Variants in AUTS2 observed in about 807,000 individuals in gnomAD.
AUTS2 encodes autism susceptibility gene 2 protein.
A neutral mutation model predicts 112.4 loss-of-function variants in AUTS2; 17 were observed. The observed-to-expected ratio is 0.15, with a 90% CI of 0.10 to 0.23. AUTS2 has a LOEUF of 0.23. Ranked by LOEUF, AUTS2 falls within the 10% of genes least tolerant of loss-of-function variation. AUTS2 has a pLI of 1.00. For missense variants in AUTS2, 1,510 were observed against 1,701.6 expected (o/e 0.89, Z 1.98); for synonymous variants, 751 against 702.7 (o/e 1.07, Z -1.09).
chr7:70,432,760 A>G (rs1177063133), intron 4 of AUTS2, among the ~76,000 whole-genome samples: 1 of 152,184 alleles, frequency 6.6e-6, no homozygotes, highest in Non-Finnish European at 1.5e-5. Context: ...CGTCTCTGCC[A>G]GGGGCTGGCA....
chr7:70,667,349 A>T lies in AUTS2; in HGVS notation c.691-31220A>T, dbSNP rs543608091. On this transcript the variant is annotated intron_variant, in intron 5 of 18. Coordinates refer to ENST00000342771, the MANE Select transcript of AUTS2 (RefSeq NM_015570.4). ...ATGAAAAATATACCTGTGCTGAGAA[A>T]GAAACTGGGATTTATTAATCCAGCC... Among the ~76,000 whole-genome samples, 194 of 152,352 alleles carry T rather than the reference A, an allele frequency of 1.3e-3. 1 individual carries two copies. The highest frequency in any genetic ancestry group is 4.5e-3 in the African/African-American group (186 of 41,580).
intron 5 of AUTS2, among the ~76,000 whole-genome samples, chr7:70,622,971 A>G (rs1472047541): frequency 6.6e-6 from 1 of 152,226 alleles, no homozygotes; most frequent in Non-Finnish European, 1.5e-5. Flanking sequence ...CTAGACCATT[A>G]CAAGTGGGAG....
chr7:70,336,422 T>C (rs1790993339), intron 4 of AUTS2, among the ~76,000 whole-genome samples: 1 of 152,180 alleles, frequency 6.6e-6, no homozygotes, highest in Non-Finnish European at 1.5e-5. Flanking sequence ...TAAATGCCTA[T>C]GTTTTCTATT....
intron 4 of AUTS2, among the ~76,000 whole-genome samples, chr7:70,277,796 A>G (rs1249111734): frequency 1.3e-5 from 2 of 152,194 alleles, no homozygotes; most frequent in Non-Finnish European, 2.9e-5. Flanking sequence ...TGTAAATGAT[A>G]GGGCAAAATG....
chr7:70,441,927 G>A (rs1796137469), intron 5 of AUTS2, among the ~76,000 whole-genome samples: 2 of 152,186 alleles, frequency 1.3e-5, no homozygotes, highest in East Asian at 1.9e-4. Context: ...GGTTGGCCAT[G>A]TTTCACACTC....
At chr7:70,308,659 AC>A (rs1300684878) in intron 4 of AUTS2, among the ~76,000 whole-genome samples, 1 of 152,210 alleles carries the variant, frequency 6.6e-6, no homozygotes, top group Non-Finnish European at 1.5e-5. Context: ...ACAGTGCTTA[AC>A]ATATAGTAAG....
intron 4 of AUTS2, among the ~76,000 whole-genome samples, chr7:70,416,655 C>T (rs982996902): frequency 2.0e-5 from 3 of 152,262 alleles, no homozygotes; most frequent in African/African-American, 4.8e-5. Flanking sequence ...CAACCCACAG[C>T]GGCCCACAAA....
At chr7:70,154,890 T>C (rs1293437247) in intron 4 of AUTS2, among the ~76,000 whole-genome samples, 2 of 152,242 alleles carry the variant, frequency 1.3e-5, no homozygotes, top group African/African-American at 4.8e-5. Context: ...AATTGATACT[T>C]GCTTTCTTGG....
At chr7:70,749,372 G>A (rs1411314645) in intron 6 of AUTS2, among the ~76,000 whole-genome samples, 3 of 152,088 alleles carry the variant, frequency 2.0e-5, no homozygotes, top group Non-Finnish European at 4.4e-5. Flanking sequence ...AGGGGGGTCC[G>A]CGAATGTACC....
intron 4 of AUTS2, among the ~76,000 whole-genome samples, chr7:70,368,431 C>T (rs1339705907): frequency 6.6e-6 from 1 of 152,032 alleles, no homozygotes; most frequent in Non-Finnish European, 1.5e-5. Context: ...GAGATTGGAC[C>T]TATTTTCCTG....
At chr7:69,614,344 C>CT (rs67639943) in intron 1 of AUTS2, among the ~76,000 whole-genome samples, 1 of 74,708 alleles carries the variant, frequency 1.3e-5, no homozygotes, top group Non-Finnish European at 2.9e-5. Context: ...TTCTTTCTTT[C>CT]TTTCTTTCTT....
chr7:70,180,935 A>T (rs1326837162), intron 4 of AUTS2, among the ~76,000 whole-genome samples: 1 of 152,198 alleles, frequency 6.6e-6, no homozygotes, highest in African/African-American at 2.4e-5. Flanking sequence ...ATAGGCTTCC[A>T]TTTACCCACC....
At chr7:70,106,942 A>G (rs1804797340) in intron 2 of AUTS2, among the ~76,000 whole-genome samples, 1 of 152,164 alleles carries the variant, frequency 6.6e-6, no homozygotes, top group African/African-American at 2.4e-5. Context: ...GGTAAAATAA[A>G]TAGGATTTTT....
Position 70,544,999 on chromosome 7 carries a change from C to T in AUTS2, c.690+109218C>T, listed in dbSNP as rs117860845. On this transcript the variant is annotated intron_variant, in intron 5 of 18. Transcript: ENST00000342771. Reference sequence around the variant, plus strand: ...AAGCAGGGACCCAGGGGACCTCATCCAGCATCCTGAGAAGCCTCGCTTTGG... The same window carrying T: ...AAGCAGGGACCCAGGGGACCTCATCTAGCATCCTGAGAAGCCTCGCTTTGG... Among the ~76,000 whole-genome samples the T allele has an allele frequency of 2.7e-3, 415 of 152,320 alleles. 16 individuals carry two copies. In the East Asian group the frequency reaches 0.075, roughly 27 times the overall value.
intron 1 of AUTS2, among the ~76,000 whole-genome samples, chr7:69,864,543 A>G (rs970569911): frequency 3.3e-5 from 5 of 152,210 alleles, no homozygotes; most frequent in African/African-American, 9.6e-5. Context: ...CTTGCAGAAC[A>G]GTTTCTTCAG....
At chr7:70,188,803 C>T (rs1196658347) in intron 4 of AUTS2, among the ~76,000 whole-genome samples, 9 of 146,734 alleles carry the variant, frequency 6.1e-5, no homozygotes, top group South Asian at 2.1e-4. Flanking sequence ...TTTTTTGAGA[C>T]GGAGTTGCGC....
chr7:70,733,250 C>T (rs1385682429), intron 6 of AUTS2, among the ~76,000 whole-genome samples: 1 of 152,176 alleles, frequency 6.6e-6, no homozygotes, highest in Non-Finnish European at 1.5e-5. Flanking sequence ...AAATGGGATG[C>T]TTCTCAGGAC....
chr7:69,634,762 A>G (rs948901472), intron 1 of AUTS2, among the ~76,000 whole-genome samples: 1 of 152,170 alleles, frequency 6.6e-6, no homozygotes, highest in African/African-American at 2.4e-5. Flanking sequence ...GCAATTTGGC[A>G]TTGTGTATAA....
intron 1 of AUTS2, among the ~76,000 whole-genome samples, chr7:69,819,633 A>G (rs930648741): frequency 2.0e-5 from 3 of 152,202 alleles, no homozygotes; most frequent in African/African-American, 4.8e-5. Context: ...GGGAATCTTA[A>G]GGGAGTTTTT....
Sources: gnomAD v4.1 joint callset for allele counts (sites outside exome capture counted in the v4.1 genomes callset) on GRCh38, gnomAD v4.1.1 for gene constraint, MANE v1.5 for transcripts, NCBI Gene and HGNC (gene_info 2026-07-23, HGNC 2026-07-21) for gene names.